The following HOOK3 variants were observed in gnomAD, a reference collection of about 807,000 sequenced individuals.
HOOK3 encodes the protein protein Hook homolog 3.
A neutral mutation model predicts 116.3 loss-of-function variants in HOOK3; 24 were observed. The ratio of observed to expected loss-of-function variants is 0.21; its 90% CI spans 0.15 to 0.29. The LOEUF (loss-of-function observed/expected upper bound fraction) is 0.29, where lower values mean the gene tolerates loss of function less well. Ranked by LOEUF, HOOK3 falls within the 10% of genes least tolerant of loss-of-function variation. The pLI is 1.00. For missense variants in HOOK3, 632 were observed against 830.2 expected, an observed-to-expected ratio of 0.76 and a Z score of 2.93; for synonymous variants, 275 against 283.0, an observed-to-expected ratio of 0.97 and a Z score of 0.28.
chr8:42,938,925 A>AAG, intron 4 of HOOK3, among the ~76,000 whole-genome samples: 1 of 152,122 alleles, frequency 6.6e-6, no homozygotes, highest in East Asian at 1.9e-4. Flanking sequence ...ACTCTTAACG[A>AAG]GCATGCTGCC....
intron 12 of HOOK3, 144 bp from the exon 13 acceptor site, chr8:42,973,960 CCTT>C: frequency 3.0e-6 from 2 of 659,044 alleles, no homozygotes; most frequent in Non-Finnish European, 2.7e-6. Flanking sequence ...ATCTTTTCCT[CCTT>C]CTATGATCTT....
intron 5 of HOOK3, among the ~76,000 whole-genome samples, chr8:42,946,960 G>A (rs1396063930): frequency 2.0e-5 from 3 of 151,564 alleles, no homozygotes; most frequent in South Asian, 2.1e-4. Context: ...TAGTAGAGAC[G>A]GGTTTTTACC....
intron 17 of HOOK3, among the ~76,000 whole-genome samples, chr8:43,006,674 C>A (rs974332199): frequency 2.0e-5 from 3 of 152,258 alleles, no homozygotes; most frequent in South Asian, 4.1e-4. Context: ...TTGTATTATT[C>A]TTTTAACTGT....
chr8:43,013,302 T>A (rs1037361811), intron 20 of HOOK3, 27 bp from the exon 21 acceptor site: 2 of 1,485,772 alleles, frequency 1.3e-6, no homozygotes, highest in African/African-American at 3.3e-5. Context: ...TCTTTACATA[T>A]TTACATGTGC....
At chr8:42,944,669 A>T (rs1808190983) in intron 5 of HOOK3, among the ~76,000 whole-genome samples, 1 of 150,900 alleles carries the variant, frequency 6.6e-6, no homozygotes, top group Admixed American at 6.6e-5. Context: ...AAATACAAAA[A>T]TTAGCCGGGC....
chr8:42,966,712 G>GGATCCCAGCCCAGGTA, intron 10 of HOOK3, 99 bp downstream of exon 10: 1 of 1,350,382 alleles, frequency 7.4e-7, no homozygotes, highest in Non-Finnish European at 1.0e-6. Context: ...AGGCTACCTG[G>GGATCCCAGCCCAGGTA]GCTGGGATCC....
chr8:43,009,674 T>C (rs754651724), intron 18 of HOOK3, among the ~76,000 whole-genome samples: 5 of 152,156 alleles, frequency 3.3e-5, no homozygotes, highest in Admixed American at 6.6e-5. Flanking sequence ...TGGTAAAATA[T>C]ACAAAACACA....
intron 17 of HOOK3, among the ~76,000 whole-genome samples, chr8:43,006,262 C>T (rs572162984): frequency 9.9e-5 from 15 of 151,296 alleles, no homozygotes; most frequent in South Asian, 4.2e-4. Flanking sequence ...CCTCGTGATC[C>T]GCCTGCCTCA....
chr8:42,905,173 C>A (rs1807278424), intron 1 of HOOK3, among the ~76,000 whole-genome samples: 1 of 152,104 alleles, frequency 6.6e-6, no homozygotes, highest in Non-Finnish European at 1.5e-5. Flanking sequence ...AGATATTTGG[C>A]CTCCGAGTAA....
intron 15 of HOOK3, chr8:42,994,454 C>T (rs1175202727): frequency 7.2e-6 from 3 of 414,392 alleles, no homozygotes; most frequent in Admixed American, 2.7e-5. Flanking sequence ...CCATAAATTT[C>T]CCTCTTACTA....
chr8:43,026,165 A>T lies in HOOK3; in HGVS notation c.*7667A>T, dbSNP rs1586640513. ...TTAGCAGTTATGTTGTAAAATTAATAAAAAGGACTCATGTTTATTCTGGTG... is the reference window on the plus strand; with the variant it reads ...TTAGCAGTTATGTTGTAAAATTAATTAAAAGGACTCATGTTTATTCTGGTG... On this transcript the variant is annotated 3_prime_UTR_variant, in exon 22 of 22. Coordinates refer to ENST00000307602, the MANE Select transcript of HOOK3 (RefSeq NM_032410.4). 3.4e-5 allele frequency: 7 copies of T among 205,370 alleles called. No homozygotes were observed. The East Asian group carries it at 5.2e-4, about 15-fold the overall frequency. 12.7% of individuals were successfully genotyped at this position (205,370 alleles called of 1,614,324 possible).
At chr8:42,980,958 C>T (rs1467790148) in intron 13 of HOOK3, among the ~76,000 whole-genome samples, 2 of 152,044 alleles carry the variant, frequency 1.3e-5, no homozygotes, top group African/African-American at 4.8e-5. Context: ...TGTGTTGCCT[C>T]GGGACTCTGC....
chr8:42,918,330 A>G (rs1052774513), intron 2 of HOOK3, among the ~76,000 whole-genome samples: 24 of 152,126 alleles, frequency 1.6e-4, no homozygotes, highest in Non-Finnish European at 1.0e-4. Context: ...AAAGCGAGAC[A>G]TTCTCTCTCT....
intron 1 of HOOK3, among the ~76,000 whole-genome samples, chr8:42,904,873 G>A (rs999178506): frequency 1.3e-5 from 2 of 152,066 alleles, no homozygotes; most frequent in African/African-American, 4.8e-5. Flanking sequence ...TATGCCTGCT[G>A]TTGACACTTC....
intron 17 of HOOK3, among the ~76,000 whole-genome samples, chr8:43,002,826 T>C (rs1809405464): frequency 6.6e-6 from 1 of 152,202 alleles, no homozygotes; most frequent in Non-Finnish European, 1.5e-5. Flanking sequence ...TACAAGTACA[T>C]GCCAGCACAC....
chr8:42,947,755 C>T (rs1417265480), intron 5 of HOOK3, among the ~76,000 whole-genome samples: 2 of 152,126 alleles, frequency 1.3e-5, no homozygotes, highest in South Asian at 2.1e-4. Flanking sequence ...CTGTTTACTA[C>T]CTGACTCGCT....
At chr8:42,999,583 A>C (rs1368076212) in intron 16 of HOOK3, among the ~76,000 whole-genome samples, 1 of 152,226 alleles carries the variant, frequency 6.6e-6, no homozygotes, top group Non-Finnish European at 1.5e-5. Context: ...CTGCCAAAGG[A>C]AGTGGTCCCC....
In HOOK3 at chr8:42,930,185, T is replaced by G. The variant is rs747630896; in HGVS notation, c.267+13T>G. 2.0e-6 allele frequency: 3 copies of G among 1,524,986 alleles called. No individual in the cohort carries two copies. The East Asian group carries it at 7.0e-5, about 36-fold the overall frequency. The allele number at this position is 1,524,986 out of a possible 1,614,324, so 94.5% of individuals were successfully genotyped here. ...TTATAATCATGAGGTAAAGACTTTT[T>G]TCTCATTCTGCTTAGAAGTGTTACT... On this transcript the variant is annotated intron_variant, in intron 4 of 21. Coordinates refer to ENST00000307602, the MANE Select transcript of HOOK3 (RefSeq NM_032410.4).
rs867345136 is a variant in HOOK3 at position 42,970,345 on chromosome 8, G to A, written c.1122+2131G>A. Among the ~76,000 whole-genome samples the A allele has an allele frequency of 1.6e-4, 25 of 152,236 alleles. 1 individual carries two copies. The highest frequency in any genetic ancestry group is 5.5e-4 in the African/African-American group (23 of 41,544). ...TGTTTTACAAATTTTTAGCAATTTT[G>A]ATAGGTGGTAGTGCAGACTCTCATA... On this transcript the variant is annotated intron_variant, in intron 11 of 21. Coordinates refer to ENST00000307602, the MANE Select transcript of HOOK3 (RefSeq NM_032410.4).
Sources: gnomAD v4.1 joint callset for allele counts (sites outside exome capture counted in the v4.1 genomes callset) on GRCh38, gnomAD v4.1.1 for gene constraint, MANE v1.5 for transcripts, NCBI Gene and HGNC (gene_info 2026-07-23, HGNC 2026-07-21) for gene names.